Variants in NRXN1 observed in about 807,000 individuals in gnomAD.
The protein encoded by NRXN1 is neurexin 1.
A neutral mutation model predicts 150.9 loss-of-function variants in NRXN1; 39 were observed. The observed-to-expected ratio is 0.26, with a 90% CI of 0.20 to 0.34. NRXN1 has a LOEUF of 0.34. Among genes scored for constraint, NRXN1 ranks in the 10% least tolerant of loss-of-function variants. The pLI is 1.00. For missense variants in NRXN1, 1,815 were observed against 1,949.9 expected, an observed-to-expected ratio of 0.93 and a Z score of 1.30; for synonymous variants, 924 against 757.0, an observed-to-expected ratio of 1.22 and a Z score of -3.62.
intron 8 of NRXN1, among the ~76,000 whole-genome samples, chr2:50,573,392 A>T (rs1309853307): frequency 6.6e-6 from 1 of 152,014 alleles, no homozygotes; most frequent in Non-Finnish European, 1.5e-5. Flanking sequence ...CTAAAGTCAA[A>T]CACATGGATC....
intron 10 of NRXN1, among the ~76,000 whole-genome samples, chr2:50,533,275 G>A (rs955280904): frequency 1.3e-5 from 2 of 152,018 alleles, no homozygotes; most frequent in Non-Finnish European, 2.9e-5. Flanking sequence ...CTTCTCTCCT[G>A]AGCTGTAGCA....
chr2:50,234,887 G>A (rs537254078), intron 18 of NRXN1, among the ~76,000 whole-genome samples: 10 of 152,126 alleles, frequency 6.6e-5, no homozygotes, highest in East Asian at 1.9e-4. Flanking sequence ...AGGGTATTAC[G>A]CTAGAATGGA....
chr2:50,913,801 A>G (rs2104144045), intron 5 of NRXN1, among the ~76,000 whole-genome samples: 1 of 151,884 alleles, frequency 6.6e-6, no homozygotes, highest in Middle Eastern at 3.4e-3. Flanking sequence ...ATAGGCATTT[A>G]TATAAGTAGG....
Position 49,918,575 on chromosome 2 carries a change from A to G in NRXN1, c.*3369T>C, listed in dbSNP as rs1049260442. 1.3e-5 allele frequency: 2 copies of G among 152,148 alleles called. No homozygotes were observed. Among genetic ancestry groups the G allele is most frequent in the Non-Finnish European group, 2.9e-5 (2 of 67,978 alleles). 9.4% of individuals were successfully genotyped at this position (152,148 alleles called of 1,614,324 possible). ...CCATTGTCTTTTATAGAGAAAAAGC[A>G]TATTTATGAAATTAGTATTTTAATA... On this transcript the variant is annotated 3_prime_UTR_variant, in exon 23 of 23. Coordinates refer to ENST00000401669, the MANE Select transcript of NRXN1 (RefSeq NM_001330078.2).
intron 2 of NRXN1, among the ~76,000 whole-genome samples, chr2:50,974,507 G>T (rs1695519572): frequency 6.6e-6 from 1 of 152,068 alleles, no homozygotes; most frequent in Admixed American, 6.6e-5. Flanking sequence ...ACCTAAAATT[G>T]CTGACCATCT....
chr2:50,711,344 T>C (rs1460370788), intron 5 of NRXN1, among the ~76,000 whole-genome samples: 1 of 149,666 alleles, frequency 6.7e-6, no homozygotes, highest in Non-Finnish European at 1.5e-5. Context: ...TTTTTTTTTT[T>C]TTTTTTTTGA....
intron 2 of NRXN1, among the ~76,000 whole-genome samples, chr2:50,975,159 T>G (rs1357600288): frequency 6.6e-6 from 1 of 152,156 alleles, no homozygotes; most frequent in African/African-American, 2.4e-5. Flanking sequence ...TTTGATGATG[T>G]CATCACTCTG....
chr2:50,220,302 T>A (rs1325009496), intron 18 of NRXN1, among the ~76,000 whole-genome samples: 1 of 151,734 alleles, frequency 6.6e-6, no homozygotes, highest in African/African-American at 2.4e-5. Flanking sequence ...GGTGGATTGT[T>A]AAGACCAAGA....
intron 17 of NRXN1, among the ~76,000 whole-genome samples, chr2:50,362,843 A>G (rs2079319676): frequency 6.6e-6 from 1 of 151,720 alleles, no homozygotes; most frequent in Non-Finnish European, 1.5e-5. Context: ...ACTTCAAACT[A>G]TACAAGGTCA....
intron 18 of NRXN1, among the ~76,000 whole-genome samples, chr2:50,220,232 G>A (rs1167202814): frequency 1.3e-5 from 2 of 151,094 alleles, no homozygotes; most frequent in African/African-American, 4.9e-5. Context: ...ATACTGTGAT[G>A]GAAGGAAATT....
intron 18 of NRXN1, among the ~76,000 whole-genome samples, chr2:50,166,137 C>T (rs1440946497): frequency 6.6e-6 from 1 of 152,104 alleles, no homozygotes; most frequent in Non-Finnish European, 1.5e-5. Flanking sequence ...AAGAAATGCT[C>T]ATTGAAACAT....
chr2:50,769,999 T>C (rs1397327873), intron 5 of NRXN1, among the ~76,000 whole-genome samples: 1 of 152,098 alleles, frequency 6.6e-6, no homozygotes, highest in African/African-American at 2.4e-5. Flanking sequence ...GCATTTGTAT[T>C]CTGCAGCAGT....
At chr2:50,311,702 T>A (rs894628862) in intron 17 of NRXN1, among the ~76,000 whole-genome samples, 15 of 152,244 alleles carry the variant, frequency 9.9e-5, no homozygotes, top group Middle Eastern at 3.4e-3. Flanking sequence ...CAATAAAGAA[T>A]CACTTTATAT....
intron 5 of NRXN1, among the ~76,000 whole-genome samples, chr2:50,890,669 T>C (rs1680914146): frequency 6.6e-6 from 1 of 151,828 alleles, no homozygotes; most frequent in Non-Finnish European, 1.5e-5. Flanking sequence ...CTTCTTAAAA[T>C]AGTATCTTCA....
At chr2:50,134,549 C>G (rs1306321550) in intron 18 of NRXN1, among the ~76,000 whole-genome samples, 1 of 152,068 alleles carries the variant, frequency 6.6e-6, no homozygotes, top group Non-Finnish European at 1.5e-5. Flanking sequence ...AAGTGCTGAT[C>G]AATAACCTGG....
chr2:50,212,632 T>A (rs1384865830), intron 18 of NRXN1, among the ~76,000 whole-genome samples: 1 of 151,842 alleles, frequency 6.6e-6, no homozygotes, highest in Non-Finnish European at 1.5e-5. Flanking sequence ...GTTTGGGACA[T>A]TACAGTTCCT....
chr2:50,980,899 C>T (rs1696679675), intron 2 of NRXN1, among the ~76,000 whole-genome samples: 1 of 152,048 alleles, frequency 6.6e-6, no homozygotes, highest in African/African-American at 2.4e-5. Flanking sequence ...TATAATAAAT[C>T]TCAATATACC....
chr2:50,135,630 G>A (rs1192549940), intron 18 of NRXN1, among the ~76,000 whole-genome samples: 1 of 152,146 alleles, frequency 6.6e-6, no homozygotes, highest in East Asian at 1.9e-4. Context: ...GTCAGAGCTT[G>A]CAGTGAGCTG....
At chr2:50,356,598 T>A (rs1232486230) in intron 17 of NRXN1, among the ~76,000 whole-genome samples, 2 of 152,304 alleles carry the variant, frequency 1.3e-5, no homozygotes, top group South Asian at 4.1e-4. Context: ...TGTTAGTAGA[T>A]CCAAAGACCT....
Sources: allele counts gnomAD v4.1 joint callset (sites outside exome capture counted in the v4.1 genomes callset), GRCh38; gene constraint gnomAD v4.1.1; transcripts MANE v1.5; gene names NCBI Gene and HGNC (gene_info 2026-07-23, HGNC 2026-07-21).